Variants in RANBP3 observed in about 807,000 individuals in gnomAD.
RANBP3 encodes the protein ran-binding protein 3.
In RANBP3, 14 loss-of-function variants were observed where a neutral mutation model predicts 77.3. That is an observed-to-expected ratio of 0.18 (90% CI 0.12 to 0.28). The LOEUF is 0.28. Ranked by LOEUF, RANBP3 falls within the 10% of genes least tolerant of loss-of-function variation. The pLI is 1.00. For missense variants in RANBP3, 586 were observed against 752.3 expected, an observed-to-expected ratio of 0.78 and a Z score of 2.59; for synonymous variants, 315 against 312.4, an observed-to-expected ratio of 1.01 and a Z score of -0.09.
At chr19:5,941,516 G>T in intron 5 of RANBP3, 105 bp downstream of exon 5, 1 of 1,032,688 alleles carries the variant, frequency 9.7e-7, no homozygotes, top group Non-Finnish European at 1.5e-6. Flanking sequence ...GACTCTAACC[G>T]GAGCTGGGCA....
chr19:5,964,523 C>G (rs1395312627), intron 1 of RANBP3, among the ~76,000 whole-genome samples: 1 of 152,174 alleles, frequency 6.6e-6, no homozygotes, highest in Non-Finnish European at 1.5e-5. Context: ...CTGTCTAGAG[C>G]ACCCATCACA....
intron 14 of RANBP3, among the ~76,000 whole-genome samples, chr19:5,920,149 C>A (rs1057244322): frequency 1.3e-5 from 2 of 152,158 alleles, no homozygotes; most frequent in African/African-American, 2.4e-5. Context: ...GTAATTCCAG[C>A]GCTTTGGGAG....
At chr19:5,953,450 A>C (rs561868518) in intron 2 of RANBP3, among the ~76,000 whole-genome samples, 7 of 152,196 alleles carry the variant, frequency 4.6e-5, no homozygotes, top group Non-Finnish European at 1.0e-4. Context: ...GCAGGTCTAA[A>C]CACCCTACGA....
chr19:5,967,095 T>A (rs2145257905), intron 1 of RANBP3, among the ~76,000 whole-genome samples: 1 of 152,360 alleles, frequency 6.6e-6, no homozygotes, highest in East Asian at 1.9e-4. Context: ...GATTCTTTGG[T>A]ACGGAATGGA....
rs1224232387 is a variant in RANBP3, at chr19:5,978,097, C to T, written c.-15G>A. The T allele has an allele frequency of 1.9e-6, 3 of 1,608,764 alleles. No homozygotes were observed. Among genetic ancestry groups the T allele is most frequent in the South Asian group, 1.1e-5 (1 of 90,192 alleles). ...AGGTCCGCCATTTTACTTCCTTAAG[C>T]CCTCCCACAAGGCCCCGCGCCGGCC... is the stretch of plus-strand genomic sequence containing the variant. On this transcript the variant is annotated 5_prime_UTR_variant, in exon 1 of 17. Transcript: ENST00000340578.
At chr19:5,948,734 G>C (rs920240627) in intron 3 of RANBP3, among the ~76,000 whole-genome samples, 2 of 152,100 alleles carry the variant, frequency 1.3e-5, no homozygotes, top group Non-Finnish European at 2.9e-5. Context: ...CTGGAAGGTG[G>C]GGGGAAGCTG....
At chr19:5,966,142 A>G (rs147436284) in intron 1 of RANBP3, among the ~76,000 whole-genome samples, 185 of 152,328 alleles carry the variant, frequency 1.2e-3, no homozygotes, top group African/African-American at 4.2e-3. Flanking sequence ...CCTCAGAGCT[A>G]CAACACATAC....
At chr19:5,944,640 T>C (rs1041475964) in intron 3 of RANBP3, among the ~76,000 whole-genome samples, 1 of 152,222 alleles carries the variant, frequency 6.6e-6, no homozygotes, top group Non-Finnish European at 1.5e-5. Flanking sequence ...CAGAGCCCTG[T>C]AGGCTGGCTT....
chr19:5,934,565 G>A (rs755173451), intron 5 of RANBP3: 1 of 152,272 alleles, frequency 6.6e-6, no homozygotes, highest in Non-Finnish European at 1.5e-5. Flanking sequence ...CGGGTGCAGT[G>A]GCTCATGCCT....
intron 5 of RANBP3, among the ~76,000 whole-genome samples, chr19:5,936,075 G>T (rs946115183): frequency 5.3e-5 from 8 of 152,224 alleles, no homozygotes; most frequent in African/African-American, 1.9e-4. Context: ...TGATGTCTGT[G>T]GGAAGCCATG....
chr19:5,956,979 G>A (rs944482600), intron 2 of RANBP3, among the ~76,000 whole-genome samples: 7 of 152,076 alleles, frequency 4.6e-5, no homozygotes, highest in African/African-American at 1.4e-4. Context: ...GGGGAGTGCC[G>A]CCGCTGGGCA....
In RANBP3 at chr19:5,925,644, T is replaced by C. The variant is rs974689219; in HGVS notation, c.907A>G (p.Ile303Val). 6.2e-7 allele frequency: 1 copy of C among 1,613,744 alleles called. No homozygotes were observed. The highest frequency in any genetic ancestry group is 8.5e-7 in the Non-Finnish European group (1 of 1,179,796). ...PTATNYFLQYISSSLENSTNS... is the reference protein window; with the variant it reads ...PTATNYFLQYVSSSLENSTNS... ...CACCGAGACACACACCTGGAACTGA[T>C]ATACTGGAGGAAATAGTTCGTTGCG... The change falls in exon 10 of 17, where the codon ATC (isoleucine) becomes GTC (valine). Residue 303 changes from isoleucine (I) to valine (V), a missense_variant. Physicochemically the swap from Ile to Val is conservative, Grantham distance 29. Transcript: ENST00000340578.
Position 5,931,377 on chromosome 19 carries a change from C to A in RANBP3, c.693+27G>T, listed in dbSNP as rs376532515. ...CGCTCCCAAGGGGCCTAGCATGCAGCGCTTCCCTGCCTCAGGACCCACTGA... is the reference window on the plus strand; with the variant it reads ...CGCTCCCAAGGGGCCTAGCATGCAGAGCTTCCCTGCCTCAGGACCCACTGA... On this transcript the variant is annotated intron_variant, in intron 8 of 16. Coordinates refer to ENST00000340578, the MANE Select transcript of RANBP3 (RefSeq NM_007322.3). The A allele has an allele frequency of 8.2e-6, 13 of 1,588,346 alleles. No individual in the cohort carries two copies. In the Middle Eastern group the frequency reaches 5.0e-4, roughly 61 times the overall value.
chr19:5,929,853 C>T (rs1246099042), intron 8 of RANBP3, among the ~76,000 whole-genome samples: 2 of 152,220 alleles, frequency 1.3e-5, no homozygotes, highest in East Asian at 3.9e-4. Context: ...CGCATGGCTC[C>T]ACCCCAGACC....
At chr19:5,918,105 C>A (rs2057767474) in intron 15 of RANBP3, 125 bp from the exon 16 acceptor site, 1 of 1,136,580 alleles carries the variant, frequency 8.8e-7, no homozygotes, top group Admixed American at 2.7e-5. Flanking sequence ...GTGGGGAGGC[C>A]ATTGGCCCTG....
At chr19:5,962,319 T>C (rs2058413866) in intron 1 of RANBP3, among the ~76,000 whole-genome samples, 1 of 152,094 alleles carries the variant, frequency 6.6e-6, no homozygotes, top group South Asian at 2.1e-4. Flanking sequence ...GGGAGGGGCG[T>C]GTTTGCACTT....
chr19:5,921,429 G>A lies in RANBP3; in HGVS notation c.1210-108C>T, dbSNP rs1452647924. On this transcript the variant is annotated intron_variant, in intron 13 of 16. Coordinates refer to ENST00000340578, the MANE Select transcript of RANBP3 (RefSeq NM_007322.3). The surrounding 1 kb of genome is among the most constrained non-coding windows in gnomAD (Gnocchi z 5.3). ...GTGGGGACTGCCAGGGCCAGCCAAC[G>A]ACGGCCTGGGGGCCACCTTGGTCAG... The A allele has an allele frequency of 2.7e-6, 4 of 1,460,712 alleles. No homozygotes were observed. The highest frequency in any genetic ancestry group is 2.8e-5 in the African/African-American group (2 of 71,090). 90.5% of individuals were successfully genotyped at this position (1,460,712 alleles called of 1,614,324 possible).
Position 5,959,299 on chromosome 19 carries a change from C to G in RANBP3, c.23-1326G>C, listed in dbSNP as rs2058372056. Among the ~76,000 whole-genome samples, 1 of 151,954 alleles carries G rather than the reference C, an allele frequency of 6.6e-6. No individual in the cohort carries two copies. The highest frequency in any genetic ancestry group is 2.1e-4 in the South Asian group (1 of 4,818). On this transcript the variant is annotated intron_variant, in intron 1 of 16. Transcript: ENST00000340578. This position sits in a 1 kb window ranked among gnomAD's most constrained non-coding sequence, Gnocchi z 5.1. ...GGAGTGAGAGTGGCTGTGGGGAGAC[C>G]AGGTGGGTAGTGACTGAGGTGGAGA...
In RANBP3 at chr19:5,927,703, C is replaced by G. The variant is rs569534940; in HGVS notation, c.813+265G>C. On this transcript the variant is annotated intron_variant, in intron 9 of 16. Transcript: ENST00000340578. ...CTCAGGTTCAGTCACCTTCCCTGTC[C>G]CCGCTACCATGAGAACCAGGGACCC... Among the ~76,000 whole-genome samples the G allele has an allele frequency of 3.9e-5, 6 of 152,294 alleles. No homozygotes were observed. The South Asian group carries it at 1.2e-3, about 32-fold the overall frequency.
Sources: allele counts gnomAD v4.1 joint callset (sites outside exome capture counted in the v4.1 genomes callset), GRCh38; gene constraint gnomAD v4.1.1; non-coding constraint Gnocchi (gnomAD v3.1); transcripts MANE v1.5; gene names NCBI Gene and HGNC (gene_info 2026-07-23, HGNC 2026-07-21).